Variants in DMXL2 observed in about 807,000 individuals in gnomAD.
DMXL2 encodes Dmx like 2, also known as dmX-like protein 2.
DMXL2 carries 103 observed loss-of-function variants against 331.1 expected under a neutral mutation model. The observed-to-expected ratio is 0.31, with a 90% CI of 0.27 to 0.37. The LOEUF is 0.37. Among genes scored for constraint, DMXL2 ranks in the 10% least tolerant of loss-of-function variants. The pLI, the probability that DMXL2 is intolerant of heterozygous loss-of-function variation, is 1.00. For synonymous variants in DMXL2, 1,281 were observed against 1,252.1 expected, an observed-to-expected ratio of 1.02 and a Z score of -0.49; for missense variants, 3,171 against 3,642.9, an observed-to-expected ratio of 0.87 and a Z score of 3.33.
At chr15:51,471,883 G>T (rs1300729888) in intron 28 of DMXL2, among the ~76,000 whole-genome samples, 1 of 152,218 alleles carries the variant, frequency 6.6e-6, no homozygotes, top group Non-Finnish European at 1.5e-5. Flanking sequence ...AGGAGTCATG[G>T]AGGGAAGTAA....
Position 51,499,077 on chromosome 15 carries a change from T to C in DMXL2, c.4147A>G (p.Arg1383Gly), listed in dbSNP as rs1297311345. The C allele has an allele frequency of 1.2e-6, 2 of 1,613,826 alleles. No homozygotes were observed. Among genetic ancestry groups the C allele is most frequent in the African/African-American group, 1.3e-5 (1 of 74,944 alleles). Residue 1383 changes from arginine (R) to glycine (G), a missense_variant, in exon 18 of 44, where the codon AGA becomes GGA. By Grantham distance (125) the Arg-to-Gly change is moderately radical. Transcript: ENST00000560891. ...KCIAGEVAIV[R>G]DPDAGEGTKR... ...GTTCCTTCTCCAGCATCAGGATCTC[T>C]AACTATTGCTACTTCACCTGCAATA...
chr15:51,568,691 A>T (rs1465844476), intron 2 of DMXL2, 133 bp from the exon 3 acceptor site: 2 of 642,212 alleles, frequency 3.1e-6, no homozygotes, highest in Non-Finnish European at 5.1e-6. Context: ...TTCCATAAAT[A>T]TACCTGGAAG....
intron 27 of DMXL2, among the ~76,000 whole-genome samples, chr15:51,475,571 A>G (rs1316582909): frequency 6.6e-6 from 1 of 152,140 alleles, no homozygotes; most frequent in Admixed American, 6.6e-5. Flanking sequence ...GGACACTTAA[A>G]AAAACAACTG....
chr15:51,591,975 G>A lies in DMXL2; in HGVS notation c.88-15794C>T, dbSNP rs573071669. Among the ~76,000 whole-genome samples, 313 of 152,294 alleles carry A rather than the reference G, an allele frequency of 2.1e-3. 8 individuals are homozygous for A. The highest frequency in any genetic ancestry group is 2.0e-3 in the Non-Finnish European group (137 of 68,024). ...ACCACAAAGATGGGGAAAAAACAGA[G>A]CAGAAAAACTGGAAACTCTAAAAAT... On this transcript the variant is annotated intron_variant, in intron 1 of 43. Coordinates refer to ENST00000560891, the MANE Select transcript of DMXL2 (RefSeq NM_001378457.1).
At chr15:51,549,906 G>A (rs575481360) in intron 6 of DMXL2, among the ~76,000 whole-genome samples, 2 of 151,910 alleles carry the variant, frequency 1.3e-5, no homozygotes, top group African/African-American at 4.8e-5. Flanking sequence ...CCCACTCTGT[G>A]GACTGTCTGT....
intron 6 of DMXL2, 85 bp downstream of exon 6, chr15:51,563,296 T>A: frequency 2.6e-6 from 3 of 1,142,744 alleles, no homozygotes; most frequent in Non-Finnish European, 3.7e-6. Context: ...GTTTTACAGA[T>A]GAGAAAACTG....
At chr15:51,571,347 AC>A (rs548233919) in intron 2 of DMXL2, among the ~76,000 whole-genome samples, 34 of 152,204 alleles carry the variant, frequency 2.2e-4, no homozygotes, top group Admixed American at 3.9e-4. Context: ...GGAGACTTTA[AC>A]ACTCCACTGT....
In DMXL2 at chr15:51,597,346, T is replaced by C. The variant is rs190925277; in HGVS notation, c.88-21165A>G. Among the ~76,000 whole-genome samples, 61 of 152,322 alleles carry C rather than the reference T, an allele frequency of 4.0e-4. No individual in the cohort carries two copies. The Middle Eastern group carries it at 0.02, about 51-fold the overall frequency. ...GAAATCACCCCCTTATTTTTCTTTG[T>C]AGTTTTTCAACCTCTGTATGCATGC... On this transcript the variant is annotated intron_variant, in intron 1 of 43. Coordinates refer to ENST00000560891, the MANE Select transcript of DMXL2 (RefSeq NM_001378457.1).
At chr15:51,575,968 C>T (rs536480409) in intron 2 of DMXL2, 88 bp downstream of exon 2, 42 of 1,325,438 alleles carry the variant, frequency 3.2e-5, no homozygotes, top group East Asian at 4.7e-5. Flanking sequence ...AGAAATTATA[C>T]GCAAGCTTTG....
In DMXL2 at chr15:51,466,168, G is replaced by T; in HGVS notation, c.7520+16C>A. Reference sequence around the variant, plus strand: ...AAAGCCAAAAAAAAAATGAGAGAAAGAAAAGTCTTATTTACCTATAGGAAT... The same window carrying T: ...AAAGCCAAAAAAAAAATGAGAGAAATAAAAGTCTTATTTACCTATAGGAAT... On this transcript the variant is annotated intron_variant, in intron 30 of 43. Transcript: ENST00000560891. 2.0e-6 allele frequency: 3 copies of T among 1,532,844 alleles called. No homozygotes were observed. The highest frequency in any genetic ancestry group is 1.4e-5 in the African/African-American group (1 of 69,880). The allele number at this position is 1,532,844 out of a possible 1,614,324, so 95.0% of individuals were successfully genotyped here.
intron 13 of DMXL2, among the ~76,000 whole-genome samples, chr15:51,535,417 G>GA (rs955927261): frequency 2.0e-5 from 3 of 151,906 alleles, no homozygotes; most frequent in Non-Finnish European, 2.9e-5. Flanking sequence ...TAATATTTTA[G>GA]AAAAAAATCC....
At chr15:51,541,902 A>G (rs2048617753) in intron 9 of DMXL2, among the ~76,000 whole-genome samples, 1 of 152,220 alleles carries the variant, frequency 6.6e-6, no homozygotes, top group African/African-American at 2.4e-5. Context: ...ATAGGACAAG[A>G]AAGTCTACAA....
Position 51,545,605 on chromosome 15 carries a change from T to C in DMXL2, c.908A>G (p.Asp303Gly). 1 of 1,613,588 alleles carries C rather than the reference T, an allele frequency of 6.2e-7. No individual in the cohort carries two copies. The highest frequency in any genetic ancestry group is 1.1e-5 in the South Asian group (1 of 91,058). ...TACCTCAAGAGCATGCTGTATTCTG[T>C]CTTTGTGTCTTCCAGCATGAGAAAG... ...SSLSHAGRHK[D>G]RIQHALETIH... The change falls in exon 8 of 44, where the codon GAC becomes GGC. Residue 303 changes from aspartate (D) to glycine (G), a missense_variant. By Grantham distance (94) the Asp-to-Gly change is moderately conservative. Around this residue, in one of 7 missense-constraint regions of DMXL2, gnomAD observed 1,674 missense variants for 1,780.2 expected, o/e 0.94. Coordinates refer to ENST00000560891, the MANE Select transcript of DMXL2 (RefSeq NM_001378457.1).
rs768235096 is a variant in DMXL2 at position 51,481,041 on chromosome 15, G to A, written c.6065C>T (p.Thr2022Ile). The part of the protein sequence containing the change: ...QKASDPNMLL[T>I]PQEEDDPEGD... The stretch of plus-strand genomic sequence containing the variant: ...TTCAGGATCATCCTCTTCCTGAGGT[G>A]TTAATAACATGTTAGGGTCTGAGGC... The change falls in exon 24 of 44, where the codon ACA becomes ATA. Residue 2022 changes from threonine (T) to isoleucine (I), a missense_variant. By Grantham distance (89) the Thr-to-Ile change is moderately conservative (BLOSUM62 -1). Around this residue, in one of 7 missense-constraint regions of DMXL2, gnomAD observed 244 missense variants for 251.4 expected, o/e 0.97. Transcript: ENST00000560891. 8 of 1,614,052 alleles carry A rather than the reference G, an allele frequency of 5.0e-6. No homozygotes were observed. In the African/African-American group the frequency reaches 1.1e-4, roughly 22 times the overall value.
chr15:51,502,375 T>G (rs1482543088), intron 17 of DMXL2, among the ~76,000 whole-genome samples: 1 of 148,884 alleles, frequency 6.7e-6, no homozygotes, highest in Non-Finnish European at 1.5e-5. Flanking sequence ...CAGGCTGGAA[T>G]GCAGTAGTGT....
intron 1 of DMXL2, among the ~76,000 whole-genome samples, chr15:51,614,035 T>C (rs893298091): frequency 6.6e-5 from 10 of 152,156 alleles, no homozygotes; most frequent in African/African-American, 2.2e-4. Flanking sequence ...GTGACTGTGT[T>C]TGGAGGTAAG....
chr15:51,537,876 G>GAAAAAA, intron 10 of DMXL2, 117 bp from the exon 11 acceptor site: 1 of 1,164,160 alleles, frequency 8.6e-7, no homozygotes, highest in Non-Finnish European at 1.1e-6. Flanking sequence ...TTTACAGTCA[G>GAAAAAA]AAAAAAAAAC....
At chr15:51,466,449 TA>T (rs2140279564) in intron 29 of DMXL2, 138 bp from the exon 30 acceptor site, 1 of 285,226 alleles carries the variant, frequency 3.5e-6, no homozygotes, top group African/African-American at 2.3e-5. Flanking sequence ...AACATAAAAG[TA>T]AACATTTTAA....
intron 24 of DMXL2, 77 bp downstream of exon 24, chr15:51,480,465 G>C: frequency 7.0e-7 from 1 of 1,431,740 alleles, no homozygotes; most frequent in East Asian, 2.3e-5. Context: ...AGTAGTAAAA[G>C]AGCTTTATAG....
Sources: allele counts gnomAD v4.1 joint callset (sites outside exome capture counted in the v4.1 genomes callset), GRCh38; gene constraint gnomAD v4.1.1; regional missense constraint gnomAD v4.1.1; transcripts MANE v1.5; gene names NCBI Gene and HGNC (gene_info 2026-07-23, HGNC 2026-07-21).